The following SEC14L3 variants were observed in gnomAD, a reference collection of about 807,000 sequenced individuals.
SEC14L3 encodes SEC14 like lipid binding 3, also known as SEC14-like protein 3.
Under a neutral mutation model 57.4 loss-of-function variants are expected in SEC14L3, and 56 were observed. That is an observed-to-expected ratio of 0.97 (90% CI 0.79 to 1.22). The LOEUF (loss-of-function observed/expected upper bound fraction) is 1.22, where lower values mean the gene tolerates loss of function less well. SEC14L3 is among the 50% of genes most tolerant of loss of function. The pLI, the probability that SEC14L3 is intolerant of heterozygous loss-of-function variation, is 0.00. For missense variants in SEC14L3, 485 were observed against 511.7 expected (o/e 0.95, Z 0.50); for synonymous variants, 173 against 194.4 (o/e 0.89, Z 0.92).
chr22:30,468,884 G>A (rs1935514512), intron 4 of SEC14L3, 188 bp from the exon 5 acceptor site: 1 of 1,532,518 alleles, frequency 6.5e-7, no homozygotes, highest in Non-Finnish European at 8.8e-7. Context: ...GCTCACAGAG[G>A]GTAAATGGCA....
downstream of SEC14L3, among the ~76,000 whole-genome samples, chr22:30,456,650 C>A (rs1421471671): frequency 6.6e-6 from 1 of 152,204 alleles, no homozygotes; most frequent in Admixed American, 6.5e-5. Context: ...CACTAGGCCC[C>A]ACCTCCAACA....
rs750031430 is a variant in SEC14L3, at chr22:30,466,330, A to C, written c.580+4T>G. On this transcript the variant is annotated splice_donor_region_variant and intron_variant, in intron 7 of 11. Transcript: ENST00000215812. ...ACAAGTAAGTGAAGTCATTTGTCAC[A>C]TACCTTTCACGATGAGCATGAACTT... is the stretch of plus-strand genomic sequence containing the variant. 40 of 1,613,314 alleles carry C rather than the reference A, an allele frequency of 2.5e-5. No homozygotes were observed. Among genetic ancestry groups the C allele is most frequent in the Non-Finnish European group, 3.4e-5 (40 of 1,179,396 alleles).
intron 12 of SEC14L3, among the ~76,000 whole-genome samples, chr22:30,452,246 C>CTTTT (rs750537241): frequency 1.6e-3 from 140 of 89,970 alleles, no homozygotes; most frequent in Non-Finnish European, 2.3e-3. Context: ...TTCTTTCTTT[C>CTTTT]TTTTTTTTTT....
At chr22:30,448,907 C>G in exon 13 of SEC14L3, 2 of 600,038 alleles carry the variant, frequency 3.3e-6, no homozygotes, top group Non-Finnish European at 5.8e-6. Context: ...AACAAACAAA[C>G]AAACCTCCAA....
At chr22:30,449,809 C>T (rs1934946982) in intron 12 of SEC14L3, among the ~76,000 whole-genome samples, 1 of 152,186 alleles carries the variant, frequency 6.6e-6, no homozygotes, top group African/African-American at 2.4e-5. Context: ...AGGTGATCCA[C>T]CTGCCTTGGC....
intron 12 of SEC14L3, among the ~76,000 whole-genome samples, chr22:30,451,394 G>A (rs984800692): frequency 2.6e-5 from 4 of 152,114 alleles, no homozygotes; most frequent in South Asian, 2.1e-4. Context: ...TGGCAGGTCC[G>A]ATGACAGGTG....
At chr22:30,467,774 C>G (rs531012099) in intron 5 of SEC14L3, among the ~76,000 whole-genome samples, 1 of 152,300 alleles carries the variant, frequency 6.6e-6, no homozygotes. Context: ...AAGAAAGGCT[C>G]AGAGGGAATA....
chr22:30,466,852 A>G (rs5753161), intron 6 of SEC14L3, 130 bp downstream of exon 6: 520,545 of 786,912 alleles, frequency 0.66, 176,576 homozygotes, highest in East Asian at 0.88. Context: ...GGCCTTCTGG[A>G]GTTTGAGTCA....
chr22:30,470,498 T>C lies in SEC14L3; in HGVS notation c.130+9A>G, dbSNP rs761226804. 1 of 1,614,110 alleles carries C rather than the reference T, an allele frequency of 6.2e-7. No individual in the cohort carries two copies. Among genetic ancestry groups the C allele is most frequent in the Admixed American group, 1.7e-5 (1 of 60,022 alleles). ...CCCTGATCCCAACCTCTCCCACCTC[T>C]GCCCTCACCTCGGAGCCAGCGTAGA... On this transcript the variant is annotated intron_variant, in intron 2 of 11. Transcript: ENST00000215812.
At chr22:30,449,101 G>C in exon 13 of SEC14L3, 4 of 1,550,596 alleles carry the variant, frequency 2.6e-6, no homozygotes, top group Non-Finnish European at 3.5e-6. Flanking sequence ...TTACTGGCAG[G>C]GAGGGGTAAA....
rs1401168563 is a variant in SEC14L3, at chr22:30,471,885, C to T, written c.54+20G>A. ...CCCTTTCCCCTGGTCTTCCGGAACT[C>T]CAGGGGGAGGGGCTCTCACCTTGGC... On this transcript the variant is annotated intron_variant, in intron 1 of 11. Transcript: ENST00000215812. The T allele has an allele frequency of 1.9e-6, 3 of 1,613,296 alleles. No homozygotes were observed. The highest frequency in any genetic ancestry group is 2.5e-6 in the Non-Finnish European group (3 of 1,179,662).
At position 30,461,537 on chromosome 22, in the gene SEC14L3, G is replaced by A. The variant is rs1935263371; in HGVS notation, c.911+18C>T. 1.2e-6 allele frequency: 2 copies of A among 1,614,122 alleles called. No individual in the cohort carries two copies. The highest frequency in any genetic ancestry group is 1.7e-5 in the Admixed American group (1 of 60,002). ...GCTCAGCCTGATGGGTCTCTGAGGG[G>A]TTAGGGCCTGCCCCTACCTGAGAAC... On this transcript the variant is annotated intron_variant, in intron 10 of 11. Coordinates refer to ENST00000215812, the MANE Select transcript of SEC14L3 (RefSeq NM_174975.5).
Position 30,467,044 on chromosome 22 carries a change from A to G in SEC14L3, c.457T>C (p.Phe153Leu). The change falls in exon 6 of 12, where the codon TTT (phenylalanine) becomes CTT (leucine). Residue 153 changes from phenylalanine to leucine, a missense_variant. Phe to Leu is a conservative substitution (Grantham distance 22). Transcript: ENST00000215812. Reference sequence around the variant, plus strand: ...TTCAGTCCCAGGCCCTCACAGTCAAATATCATCACGATGGTCTCAATCTTC... The same window carrying G: ...TTCAGTCCCAGGCCCTCACAGTCAAGTATCATCACGATGGTCTCAATCTTC... ...GKKIETIVMIFDCEGLGLKHF... is the reference protein window; with the variant it reads ...GKKIETIVMILDCEGLGLKHF... 6.2e-7 allele frequency: 1 copy of G among 1,614,106 alleles called. No individual in the cohort carries two copies. Among genetic ancestry groups the G allele is most frequent in the East Asian group, 2.2e-5 (1 of 44,884 alleles).
chr22:30,448,817 A>G (rs1934927151), exon 13 of SEC14L3: 1 of 359,030 alleles, frequency 2.8e-6, no homozygotes, highest in Non-Finnish European at 5.1e-6. Flanking sequence ...ACTTGAGCCC[A>G]AGAGCTCAAG....
At chr22:30,451,991 C>CAAAAAAAAAAAAAAAAAAAAAAAAAA (rs34799395) in intron 12 of SEC14L3, among the ~76,000 whole-genome samples, 1 of 33,816 alleles carries the variant, frequency 3.0e-5, no homozygotes, top group African/African-American at 1.5e-4. Context: ...GACTCCATCT[C>CAAAAAAAAAAAAAAAAAAAAAAAAAA]AAAAAAAAAA....
chr22:30,461,640 T>C lies in SEC14L3; in HGVS notation c.826A>G (p.Thr276Ala). Residue 276 changes from threonine to alanine, a missense_variant, in exon 10 of 12, where the codon ACT becomes GCT. Physicochemically the swap from Thr to Ala is moderately conservative, Grantham distance 58. Transcript: ENST00000215812. ...ATCTGCACCGAGTGCTCGTACTGAG[T>C]CTTCACCTGGTCCCGCACGTACATG... ...KSMYVRDQVK[T>A]QYEHSVQINR... The C allele has an allele frequency of 1.9e-6, 3 of 1,613,840 alleles. No individual in the cohort carries two copies. The highest frequency in any genetic ancestry group is 2.5e-6 in the Non-Finnish European group (3 of 1,179,950).
chr22:30,461,992 C>G, intron 9 of SEC14L3, 94 bp downstream of exon 9: 2 of 1,329,746 alleles, frequency 1.5e-6, no homozygotes. Flanking sequence ...TTCTTGGCAT[C>G]TCTCTATAGG....
At chr22:30,449,543 TTTTTCTTTTC>T (rs71814315) in intron 12 of SEC14L3, among the ~76,000 whole-genome samples, 43 of 137,752 alleles carry the variant, frequency 3.1e-4, no homozygotes, top group African/African-American at 7.5e-4. Flanking sequence ...TGTCCGTTCT[TTTTTCTTTTC>T]TTTTCTTTTC....
Position 30,464,260 on chromosome 22 carries a change from C to T in SEC14L3, c.664+560G>A, listed in dbSNP as rs182336732. On this transcript the variant is annotated intron_variant, in intron 8 of 11. Coordinates refer to ENST00000215812, the MANE Select transcript of SEC14L3 (RefSeq NM_174975.5). Reference sequence around the variant, plus strand: ...AAGCTTATGAGTGTTGAAAAGAAACCGAGGCCTATATACCAGAAATTGACT... The same window carrying T: ...AAGCTTATGAGTGTTGAAAAGAAACTGAGGCCTATATACCAGAAATTGACT... Among the ~76,000 whole-genome samples, 11 of 152,228 alleles carry T rather than the reference C, an allele frequency of 7.2e-5. No individual in the cohort carries two copies. The South Asian group carries it at 1.2e-3, about 17-fold the overall frequency.
Sources: allele counts gnomAD v4.1 joint callset (sites outside exome capture counted in the v4.1 genomes callset), GRCh38; gene constraint gnomAD v4.1.1; transcripts MANE v1.5; gene names NCBI Gene and HGNC (gene_info 2026-07-23, HGNC 2026-07-21).